The following CPEB3 variants were observed in gnomAD, a reference collection of about 807,000 sequenced individuals.
CPEB3 encodes cytoplasmic polyadenylation element binding protein 3, also known as cytoplasmic polyadenylation element-binding protein 3.
Under a neutral mutation model 67.2 loss-of-function variants are expected in CPEB3, and 20 were observed. That is an observed-to-expected ratio of 0.30 (90% CI 0.21 to 0.43). The LOEUF is 0.43. CPEB3 is among the 20% of genes least tolerant of loss of function. The probability of loss-of-function intolerance (pLI) is 1.00; values close to 1 mark genes in which losing one functional copy is unlikely to be tolerated. For missense variants in CPEB3, 746 were observed against 968.6 expected (o/e 0.77, Z 3.05); for synonymous variants, 376 against 393.1 (o/e 0.96, Z 0.51).
Position 92,048,391 on chromosome 10 carries a change from A to ACACACT in CPEB3, c.*3820_*3821insAGTGTG, listed in dbSNP as rs796245744. The ACACACT allele has an allele frequency of 5.9e-3, 903 of 151,964 alleles. 6 individuals carry two copies. The highest frequency in any genetic ancestry group is 8.6e-3 in the Non-Finnish European group (585 of 68,288). 9.4% of individuals were successfully genotyped at this position (151,964 alleles called of 1,614,324 possible). On this transcript the variant is annotated 3_prime_UTR_variant, in exon 10 of 10. Coordinates refer to ENST00000265997, the MANE Select transcript of CPEB3 (RefSeq NM_014912.5). The surrounding 1 kb of genome is among the most constrained non-coding windows in gnomAD (Gnocchi z 4.1). ...CTCTCTCTCTCTCTCTCTCTCTCACACACACACACACACACACGACATAAT... is the reference window on the plus strand; with the variant it reads ...CTCTCTCTCTCTCTCTCTCTCTCACACACACTCACACACACACACACACGACATAAT...
chr10:92,122,563 A>C (rs1845438498), intron 6 of CPEB3, among the ~76,000 whole-genome samples: 1 of 152,242 alleles, frequency 6.6e-6, no homozygotes, highest in Non-Finnish European at 1.5e-5. Context: ...TCATGAGCAA[A>C]TTCTTGTTCT....
chr10:92,186,541 T>C (rs984825472), intron 3 of CPEB3, among the ~76,000 whole-genome samples: 3 of 151,898 alleles, frequency 2.0e-5, no homozygotes, highest in African/African-American at 7.3e-5. Flanking sequence ...TTCAAGCGAT[T>C]CTCCTGCCTC....
intron 9 of CPEB3, among the ~76,000 whole-genome samples, chr10:92,079,618 T>C: frequency 6.6e-6 from 1 of 152,220 alleles, no homozygotes; most frequent in East Asian, 1.9e-4. Context: ...CTCAGTGAAG[T>C]AGCAAATAGA....
chr10:92,114,858 GT>G (rs1320679630), intron 6 of CPEB3, among the ~76,000 whole-genome samples: 1 of 152,108 alleles, frequency 6.6e-6, no homozygotes, highest in African/African-American at 2.4e-5. Context: ...ATAAAAAGGT[GT>G]TTCATAAACT....
intron 2 of CPEB3, among the ~76,000 whole-genome samples, chr10:92,217,122 C>G (rs1034047362): frequency 1.0e-4 from 14 of 139,722 alleles, no homozygotes; most frequent in Non-Finnish European, 1.8e-4. Flanking sequence ...GCAAGAGAAT[C>G]ACTTGAACCT....
intron 1 of CPEB3, among the ~76,000 whole-genome samples, chr10:92,287,926 C>T (rs1206408378): frequency 4.6e-5 from 7 of 152,130 alleles, no homozygotes; most frequent in Non-Finnish European, 8.8e-5. Flanking sequence ...GTCTACTTTC[C>T]GTCTCTATGG....
intron 9 of CPEB3, among the ~76,000 whole-genome samples, chr10:92,067,625 C>A (rs1842605683): frequency 6.6e-6 from 1 of 152,074 alleles, no homozygotes; most frequent in South Asian, 2.1e-4. Flanking sequence ...TCAAGACCAG[C>A]CTGACCAACA....
rs960609330 is a variant in CPEB3, at chr10:92,051,246, T to G, written c.*966A>C. On this transcript the variant is annotated 3_prime_UTR_variant, in exon 10 of 10. Transcript: ENST00000265997. ...AAACTTTTTTTAAAAAATGAGTATTTTTATAGCTTATATAGATTCTTAATT... is the reference window on the plus strand; with the variant it reads ...AAACTTTTTTTAAAAAATGAGTATTGTTATAGCTTATATAGATTCTTAATT... The G allele has an allele frequency of 6.6e-6, 1 of 152,660 alleles. No individual in the cohort carries two copies. The highest frequency in any genetic ancestry group is 1.5e-5 in the Non-Finnish European group (1 of 68,040). 9.5% of individuals were successfully genotyped at this position (152,660 alleles called of 1,614,324 possible).
chr10:92,051,629 G>T lies in CPEB3; in HGVS notation c.*583C>A, dbSNP rs946483296. The T allele has an allele frequency of 6.6e-6, 1 of 152,394 alleles. No individual in the cohort carries two copies. Among genetic ancestry groups the T allele is most frequent in the Non-Finnish European group, 1.5e-5 (1 of 68,042 alleles). 9.4% of individuals were successfully genotyped at this position (152,394 alleles called of 1,614,324 possible). On this transcript the variant is annotated 3_prime_UTR_variant, in exon 10 of 10. Transcript: ENST00000265997. ...AAAAATAAAAGATCCAGCTTATGAG[G>T]TATCCTTACAAGTCAAAATAGAGAG...
intron 4 of CPEB3, among the ~76,000 whole-genome samples, chr10:92,176,163 C>A (rs1359835227): frequency 6.6e-6 from 1 of 152,118 alleles, no homozygotes; most frequent in East Asian, 1.9e-4. Flanking sequence ...AAGCATCTAC[C>A]TAAATGTAAA....
At chr10:92,172,510 G>A (rs1396766702) in intron 4 of CPEB3, among the ~76,000 whole-genome samples, 2 of 152,214 alleles carry the variant, frequency 1.3e-5, no homozygotes, top group Non-Finnish European at 2.9e-5. Context: ...AAACCCAAGT[G>A]ACCTTTTGGG....
intron 6 of CPEB3, among the ~76,000 whole-genome samples, chr10:92,130,210 C>A (rs1845782192): frequency 6.6e-6 from 1 of 151,850 alleles, no homozygotes; most frequent in Non-Finnish European, 1.5e-5. Flanking sequence ...ATGCCATTTT[C>A]TCAAACAAGC....
Position 92,233,531 on chromosome 10 carries a change from T to TA in CPEB3, c.1005+5814dup, listed in dbSNP as rs57864053. On this transcript the variant is annotated intron_variant, in intron 2 of 9. Transcript: ENST00000265997. Reference sequence around the variant, plus strand: ...CAGCTTGGGCGACAGATTCTGTCTTTAAAAAAAAAAAAAAAAAGGAAATGG... The same window carrying TA: ...CAGCTTGGGCGACAGATTCTGTCTTTAAAAAAAAAAAAAAAAAAGGAAATGG... Among the ~76,000 whole-genome samples, 1,117 of 113,366 alleles carry TA rather than the reference T, an allele frequency of 9.9e-3. 11 individuals carry two copies. The highest frequency in any genetic ancestry group is 0.022 in the African/African-American group (659 of 30,142). 74.4% of individuals were successfully genotyped at this position (113,366 alleles called of 152,430 possible). A position where few individuals can be genotyped will look rare whatever the true frequency, so the allele number is the denominator to read the frequency against.
intron 2 of CPEB3, among the ~76,000 whole-genome samples, chr10:92,212,297 C>A (rs1460453022): frequency 6.7e-6 from 1 of 148,488 alleles, no homozygotes; most frequent in Non-Finnish European, 1.5e-5. Context: ...TACAACAAGA[C>A]AGTTGTACAG....
At position 92,240,007 on chromosome 10, in the gene CPEB3, G is replaced by A. The variant is rs1387309541; in HGVS notation, c.344C>T (p.Thr115Ile). The stretch of plus-strand genomic sequence containing the variant: ...GAAGCTGTCCTCTACCGCGTTGGTG[G>A]TGCCCGTGGACCAGGTGCTGCCGAA... ...PSFGSTWSTG[T>I]TNAVEDSFFQ... The change falls in exon 2 of 10, where the codon ACC becomes ATC. Residue 115 changes from threonine (T) to isoleucine (I), a missense_variant. This residue lies in a region of CPEB3 where 643 missense variants were observed against 717.5 expected (regional missense o/e 0.90). Coordinates refer to ENST00000265997, the MANE Select transcript of CPEB3 (RefSeq NM_014912.5). 1.2e-6 allele frequency: 2 copies of A among 1,610,296 alleles called. No individual in the cohort carries two copies. Among genetic ancestry groups the A allele is most frequent in the Admixed American group, 1.7e-5 (1 of 59,426 alleles).
intron 4 of CPEB3, among the ~76,000 whole-genome samples, chr10:92,149,200 T>C (rs1846841489): frequency 1.3e-5 from 2 of 152,194 alleles, no homozygotes; most frequent in Non-Finnish European, 2.9e-5. Flanking sequence ...TGTGCCCAGC[T>C]CTAATACTGG....
chr10:92,231,752 C>T (rs990775342), intron 2 of CPEB3, among the ~76,000 whole-genome samples: 6 of 152,252 alleles, frequency 3.9e-5, no homozygotes, highest in Admixed American at 2.6e-4. Context: ...CAGAGTCTTG[C>T]TCTGTCACCC....
At chr10:92,191,132 C>T (rs1438779473) in intron 3 of CPEB3, among the ~76,000 whole-genome samples, 1 of 152,024 alleles carries the variant, frequency 6.6e-6, no homozygotes, top group East Asian at 1.9e-4. Flanking sequence ...CAAGTATCAG[C>T]CGGGTGCGGT....
intron 3 of CPEB3, among the ~76,000 whole-genome samples, chr10:92,187,190 A>C (rs572177828): frequency 2.0e-5 from 3 of 152,322 alleles, no homozygotes; most frequent in South Asian, 4.1e-4. Context: ...GGGTGGCATT[A>C]TCTCTTCCAT....
Sources: gnomAD v4.1 joint callset for allele counts (sites outside exome capture counted in the v4.1 genomes callset) on GRCh38, gnomAD v4.1.1 for gene constraint, gnomAD v4.1.1 regional missense constraint, Gnocchi (gnomAD v3.1) non-coding constraint, MANE v1.5 for transcripts, NCBI Gene and HGNC (gene_info 2026-07-23, HGNC 2026-07-21) for gene names.